The following HSP90B1 variants were observed in gnomAD, a reference collection of about 807,000 sequenced individuals.
The protein encoded by HSP90B1 is heat shock protein 90 beta family member 1.
HSP90B1 carries 27 observed loss-of-function variants against 100.4 expected under a neutral mutation model. The observed-to-expected ratio is 0.27, with a 90% confidence interval of 0.20 to 0.37. The LOEUF (loss-of-function observed/expected upper bound fraction) is 0.37. HSP90B1 is among the 10% of genes least tolerant of loss of function. HSP90B1 has a pLI of 1.00. For synonymous variants in HSP90B1, 304 were observed against 330.8 expected (o/e 0.92, Z 0.88); for missense variants, 678 against 960.5 (o/e 0.71, Z 3.89).
At chr12:103,944,687 G>T (rs1028135614) in intron 14 of HSP90B1, among the ~76,000 whole-genome samples, 4 of 151,942 alleles carry the variant, frequency 2.6e-5, no homozygotes, top group South Asian at 2.1e-4. Flanking sequence ...CTCCTGAGTA[G>T]CTGGGATTAC....
At chr12:103,945,169 G>C (rs998815181) in intron 14 of HSP90B1, among the ~76,000 whole-genome samples, 1 of 152,162 alleles carries the variant, frequency 6.6e-6, no homozygotes, top group African/African-American at 2.4e-5. Flanking sequence ...TCAAAGCCAG[G>C]CATGGTGACT....
chr12:103,944,526 A>C (rs1870169164), intron 14 of HSP90B1, among the ~76,000 whole-genome samples: 1 of 150,684 alleles, frequency 6.6e-6, no homozygotes, highest in South Asian at 2.1e-4. Context: ...TCTAGTCATC[A>C]TCCTTTTTTC....
At chr12:103,933,583 T>C (rs1869826778) in intron 4 of HSP90B1, among the ~76,000 whole-genome samples, 1 of 152,270 alleles carries the variant, frequency 6.6e-6, no homozygotes, top group Admixed American at 6.5e-5. Flanking sequence ...AGAATATTAA[T>C]GATCCATCAC....
chr12:103,944,742 G>A (rs1315458913), intron 14 of HSP90B1, among the ~76,000 whole-genome samples: 3 of 152,156 alleles, frequency 2.0e-5, no homozygotes, highest in Non-Finnish European at 4.4e-5. Context: ...TTTTAGTAGA[G>A]ACGGTGTTTC....
In HSP90B1 at chr12:103,943,444, GTAAT is replaced by G. The variant is rs3842649; in HGVS notation, c.1890+129_1890+132del. The G allele has an allele frequency of 0.35, 298,180 of 860,182 alleles. 55,573 individuals carry two copies. Among genetic ancestry groups the G allele is most frequent in the African/African-American group, 0.59 (34,572 of 58,196 alleles). 53.3% of individuals were successfully genotyped at this position (860,182 alleles called of 1,614,324 possible). A position where few individuals can be genotyped will look rare whatever the true frequency, so the allele number is the denominator to read the frequency against. On this transcript the variant is annotated intron_variant, in intron 13 of 17. Coordinates refer to ENST00000299767, the MANE Select transcript of HSP90B1 (RefSeq NM_003299.3). The surrounding 1 kb of genome is among the most constrained non-coding windows in gnomAD (Gnocchi z 5.3). ...TTAGAATGGTAAAAATTTAATTAAT[GTAAT>G]TAAATTATTGGGAGAAAGCTTAAAA...
Position 103,943,980 on chromosome 12 carries a change from C to A in HSP90B1, c.2027+106C>A. ...CAAAGAGTAAAATTGCCTTAAATGT[C>A]TACCACTGTCTACTATAAGGTAGAC... On this transcript the variant is annotated intron_variant, in intron 14 of 17. Transcript: ENST00000299767. The surrounding 1 kb of genome is among the most constrained non-coding windows in gnomAD (Gnocchi z 5.3). 2.1e-6 allele frequency: 2 copies of A among 969,632 alleles called. No homozygotes were observed. Among genetic ancestry groups the A allele is most frequent in the Non-Finnish European group, 3.0e-6 (2 of 672,182 alleles). The allele number at this position is 969,632 out of a possible 1,614,324, so 60.1% of individuals were successfully genotyped here.
chr12:103,947,290 G>T (rs773654645), intron 16 of HSP90B1, 21 bp from the exon 17 acceptor site: 39 of 1,566,708 alleles, frequency 2.5e-5, no homozygotes, highest in Non-Finnish European at 3.3e-5. Flanking sequence ...GCATTAATGG[G>T]CCCATAAATG....
At chr12:103,931,209 G>T (rs1161571186) in intron 1 of HSP90B1, among the ~76,000 whole-genome samples, 3 of 152,214 alleles carry the variant, frequency 2.0e-5, no homozygotes, top group African/African-American at 7.2e-5. Context: ...GGCTCGGCCT[G>T]CGCGCAACAC....
chr12:103,944,886 A>G (rs1371641241), intron 14 of HSP90B1, among the ~76,000 whole-genome samples: 3 of 152,160 alleles, frequency 2.0e-5, no homozygotes, highest in Admixed American at 6.5e-5. Flanking sequence ...TTTCTCACAA[A>G]TGTAGTCTCC....
In HSP90B1 at chr12:103,946,843, A is replaced by G. The variant is rs1355227279; in HGVS notation, c.2164A>G (p.Thr722Ala). 4 of 1,614,068 alleles carry G rather than the reference A, an allele frequency of 2.5e-6. No homozygotes were observed. The highest frequency in any genetic ancestry group is 1.3e-5 in the African/African-American group (1 of 74,928). Residue 722 changes from threonine to alanine, a missense_variant, in exon 16 of 18, where the codon ACG becomes GCG. Physicochemically the swap from Thr to Ala is moderately conservative, Grantham distance 58. Transcript: ENST00000299767. ...DLAVVLFETA[T>A]LRSGYLLPDT... ...TGCTGTGGTTTTGTTTGAAACAGCA[A>G]CGCTTCGGTCAGGGTATCTTTTACC...
intron 12 of HSP90B1, 72 bp downstream of exon 12, chr12:103,942,868 G>T (rs1311865928): frequency 2.6e-6 from 4 of 1,551,296 alleles, no homozygotes; most frequent in African/African-American, 2.7e-5. Flanking sequence ...CTCTTGAGGG[G>T]GAGAAAAGGA....
chr12:103,939,363 AAAG>A lies in HSP90B1; in HGVS notation c.976-145_976-143del, dbSNP rs1566166573. 2.6e-5 allele frequency: 13 copies of A among 503,250 alleles called. No homozygotes were observed. The Admixed American group carries it at 4.2e-4, about 16-fold the overall frequency. The allele number at this position is 503,250 out of a possible 1,614,324, so 31.2% of individuals were successfully genotyped here. ...AACAGTTCTCCTACCCTAACCTCCCAAAGTGCTAGGATTACAGGCGTGAGCCAC... is the reference window on the plus strand; with the variant it reads ...AACAGTTCTCCTACCCTAACCTCCCATGCTAGGATTACAGGCGTGAGCCAC... On this transcript the variant is annotated intron_variant, in intron 7 of 17. Coordinates refer to ENST00000299767, the MANE Select transcript of HSP90B1 (RefSeq NM_003299.3).
intron 2 of HSP90B1, chr12:103,931,898 A>C: frequency 2.1e-6 from 1 of 465,698 alleles, no homozygotes; most frequent in Non-Finnish European, 4.0e-6. Flanking sequence ...GTATTCATTA[A>C]CTGTGTACAC....
rs549952668 is a variant in HSP90B1, at chr12:103,939,494, C to T, written c.976-15C>T. The T allele has an allele frequency of 1.1e-5, 13 of 1,229,932 alleles. No individual in the cohort carries two copies. The Admixed American group carries it at 1.8e-4, about 17-fold the overall frequency. The allele number at this position is 1,229,932 out of a possible 1,614,324, so 76.2% of individuals were successfully genotyped here. A position where few individuals can be genotyped will look rare whatever the true frequency, so the allele number is the denominator to read the frequency against. ...AGTGCTGAGAGAGACTAATCAAATA[C>T]TATAATAACTTCAGGTTGAAAAAAC... is the stretch of plus-strand genomic sequence containing the variant. On this transcript the variant is annotated splice_polypyrimidine_tract_variant and intron_variant, in intron 7 of 17. Transcript: ENST00000299767.
intron 2 of HSP90B1, 42 bp from the exon 3 acceptor site, chr12:103,932,235 A>G: frequency 6.4e-7 from 1 of 1,562,782 alleles, no homozygotes; most frequent in Non-Finnish European, 8.7e-7. Context: ...TTTGAAGGGA[A>G]CTATGCCATG....
chr12:103,946,508 T>C (rs1379082546), intron 14 of HSP90B1, 110 bp from the exon 15 acceptor site: 1 of 304,118 alleles, frequency 3.3e-6, no homozygotes, highest in Non-Finnish European at 5.8e-6. Flanking sequence ...TACATTTTGA[T>C]TTTTTTTTTT....
intron 3 of HSP90B1, 32 bp downstream of exon 3, chr12:103,932,450 CTGTA>C: frequency 6.4e-7 from 1 of 1,566,980 alleles, no homozygotes; most frequent in African/African-American, 1.4e-5. Flanking sequence ...TATTTTATCT[CTGTA>C]TGGTGGCATA....
intron 5 of HSP90B1, among the ~76,000 whole-genome samples, chr12:103,935,349 T>C (rs1257423180): frequency 6.6e-6 from 1 of 152,208 alleles, no homozygotes; most frequent in Non-Finnish European, 1.5e-5. Context: ...CTTTTTGCCT[T>C]TTTAAAATTT....
At chr12:103,936,220 GA>G (rs1304260822) in intron 5 of HSP90B1, among the ~76,000 whole-genome samples, 1 of 151,912 alleles carries the variant, frequency 6.6e-6, no homozygotes, top group Non-Finnish European at 1.5e-5. Flanking sequence ...CCAGCTAGTA[GA>G]AAAAAAGATA....
Sources: gnomAD v4.1 joint callset for allele counts (sites outside exome capture counted in the v4.1 genomes callset) on GRCh38, gnomAD v4.1.1 for gene constraint, Gnocchi (gnomAD v3.1) non-coding constraint, MANE v1.5 for transcripts, NCBI Gene and HGNC (gene_info 2026-07-23, HGNC 2026-07-21) for gene names.